TSGA10IP: variants seen among roughly 807,000 people sequenced by gnomAD.
TSGA10IP encodes testis-specific protein 10-interacting protein.
Under a neutral mutation model 63.2 loss-of-function variants are expected in TSGA10IP, and 64 were observed. The observed-to-expected ratio is 1.01, with a 90% CI of 0.83 to 1.25. The LOEUF (loss-of-function observed/expected upper bound fraction) is 1.25. Among genes scored for constraint, TSGA10IP ranks in the 50% most tolerant of loss-of-function variants. The pLI is 0.00. For missense variants in TSGA10IP, 681 were observed against 710.1 expected, an observed-to-expected ratio of 0.96 and a Z score of 0.47; for synonymous variants, 316 against 298.3, an observed-to-expected ratio of 1.06 and a Z score of -0.61.
At chr11:65,947,825 T>A (rs770223130) in exon 3 of TSGA10IP, 1 of 1,552,570 alleles carries the variant, frequency 6.4e-7, no homozygotes, top group Non-Finnish European at 8.7e-7. Flanking sequence ...AGACCTGGAC[T>A]GTGGTGAGCG....
exon 7 of TSGA10IP, chr11:65,959,284 T>C: frequency 6.2e-7 from 1 of 1,610,680 alleles, no homozygotes; most frequent in Non-Finnish European, 8.5e-7. Context: ...GCAGGAAAGG[T>C]GGACAGAGAG....
At chr11:65,959,044 G>T in intron 6 of TSGA10IP, 62 bp downstream of exon 6, 1 of 1,591,602 alleles carries the variant, frequency 6.3e-7, no homozygotes, top group Non-Finnish European at 8.6e-7. Context: ...TGAGTGGGTA[G>T]GGAAGCAGGA....
rs750743901 is a variant in TSGA10IP, at chr11:65,947,481, G to A, written c.656G>A (p.Ser219Asn). 44 of 1,613,380 alleles carry A rather than the reference G, an allele frequency of 2.7e-5. No individual in the cohort carries two copies. The highest frequency in any genetic ancestry group is 3.6e-5 in the Non-Finnish European group (42 of 1,179,606). ...TCCGACAAGCAGGTCCAGCTGCAAA[G>A]CCTGGGTGCTGAGGAGGCCGAGAGG... The change falls in exon 3 of 8, where the codon AGC becomes AAC. Residue 219 changes from serine (S) to asparagine (N), a missense_variant. Transcript: ENST00000532620.
chr11:65,945,676 A>G (rs1329033148), exon 1 of TSGA10IP: 1 of 1,612,832 alleles, frequency 6.2e-7, no homozygotes, highest in Non-Finnish European at 8.5e-7. Context: ...ATGGGGCAGG[A>G]TGGGGCAGGA....
At chr11:65,951,350 A>T (rs772925334) in intron 4 of TSGA10IP, among the ~76,000 whole-genome samples, 4 of 151,950 alleles carry the variant, frequency 2.6e-5, no homozygotes, top group Non-Finnish European at 5.9e-5. Flanking sequence ...TCTCCACATC[A>T]TCACCAACCC....
Position 65,948,006 on chromosome 11 carries a change from CAA to C in TSGA10IP, c.1012_1013del (p.Lys338AlafsTer26), listed in dbSNP as rs1403166953. ...CTTGGTCCCACTGTGGGCAGGCCCCCAAAAGCTGCCCTGGAAGACTTTGAGGG... is the reference window on the plus strand; with the variant it reads ...CTTGGTCCCACTGTGGGCAGGCCCCCAAGCTGCCCTGGAAGACTTTGAGGG... On this transcript the variant is annotated frameshift_variant, in exon 4 of 8. Coordinates refer to ENST00000532620, the Ensembl canonical transcript of TSGA10IP. LOFTEE classifies it high-confidence loss of function. The C allele has an allele frequency of 6.4e-7, 1 of 1,559,806 alleles. No homozygotes were observed. The highest frequency in any genetic ancestry group is 1.2e-5 in the South Asian group (1 of 84,576).
rs199848127 is a variant in TSGA10IP at position 65,948,117 on chromosome 11, C to T, written c.1120C>T (p.Arg374Cys). 6.0e-5 allele frequency: 96 copies of T among 1,602,130 alleles called. No individual in the cohort carries two copies. The Admixed American group carries it at 6.5e-4, about 11-fold the overall frequency. Reference sequence around the variant, plus strand: ...TTTCGTGTCTGCCAACCTCCCTAATCGCACCTTCCACAAACGACAGGAAGC... The same window carrying T: ...TTTCGTGTCTGCCAACCTCCCTAATTGCACCTTCCACAAACGACAGGAAGC... The change falls in exon 4 of 8, where the codon CGC becomes TGC. Residue 374 changes from arginine to cysteine, a missense_variant. Coordinates refer to ENST00000532620, the Ensembl canonical transcript of TSGA10IP.
At chr11:65,958,409 C>T (rs1183689152) in intron 5 of TSGA10IP, among the ~76,000 whole-genome samples, 2 of 152,156 alleles carry the variant, frequency 1.3e-5, no homozygotes, top group East Asian at 3.8e-4. Context: ...CTTGTCCGAT[C>T]CCTACTATAG....
At position 65,945,766 on chromosome 11, in the gene TSGA10IP, C is replaced by T. The variant is rs1490284695; in HGVS notation, c.91C>T (p.Pro31Ser). The stretch of plus-strand genomic sequence containing the variant: ...AGGGCAGGACGTGCGGCTCCAGGCT[C>T]CAGGAACCAGAACGGGGCTGCTCAA... The change falls in exon 1 of 8, where the codon CCA (proline) becomes TCA (serine). Residue 31 changes from proline to serine, a missense_variant. By Grantham distance (74) the Pro-to-Ser change is moderately conservative (BLOSUM62 -1). Coordinates refer to ENST00000532620, the Ensembl canonical transcript of TSGA10IP. 1.2e-6 allele frequency: 2 copies of T among 1,613,868 alleles called. No individual in the cohort carries two copies. The highest frequency in any genetic ancestry group is 1.3e-5 in the African/African-American group (1 of 74,914).
At chr11:65,954,972 T>C (rs138607701) in intron 5 of TSGA10IP, among the ~76,000 whole-genome samples, 135 of 152,346 alleles carry the variant, frequency 8.9e-4, no homozygotes, top group African/African-American at 2.4e-3. Flanking sequence ...GGTGGGCGCA[T>C]GCGCTCAGCA....
rs7927388 is a variant in TSGA10IP, at chr11:65,947,534, C to T, written c.709C>T (p.Arg237Cys). The T allele has an allele frequency of 6.2e-6, 10 of 1,613,466 alleles. No homozygotes were observed. In the East Asian group the frequency reaches 8.9e-5, roughly 14 times the overall value. Reference sequence around the variant, plus strand: ...TCTGAGTTCTGGGGTGCTGCCCCAGCGCCCCAGGAGGGGGTCGATCTCAGA... The same window carrying T: ...TCTGAGTTCTGGGGTGCTGCCCCAGTGCCCCAGGAGGGGGTCGATCTCAGA... Residue 237 changes from arginine (R) to cysteine (C), a missense_variant, in exon 3 of 8, where the codon CGC becomes TGC. Transcript: ENST00000532620.
intron 4 of TSGA10IP, 61 bp downstream of exon 4, chr11:65,948,209 C>T: frequency 6.6e-7 from 1 of 1,520,960 alleles, no homozygotes; most frequent in African/African-American, 1.4e-5. Context: ...AGCCACTTCT[C>T]CAAGAGATGC....
At chr11:65,945,860 G>A in intron 1 of TSGA10IP, 38 bp downstream of exon 1, 1 of 1,604,266 alleles carries the variant, frequency 6.2e-7, no homozygotes, top group Non-Finnish European at 8.5e-7. Context: ...CAGCTGCCTA[G>A]AGCCAGGTGG....
Position 65,946,934 on chromosome 11 carries a change from C to CA in TSGA10IP, c.203dup (p.Ser69GlufsTer23). The CA allele has an allele frequency of 6.2e-7, 1 of 1,613,920 alleles. No individual in the cohort carries two copies. Among genetic ancestry groups the CA allele is most frequent in the South Asian group, 1.1e-5 (1 of 91,084 alleles). On this transcript the variant is annotated frameshift_variant, in exon 2 of 8. Transcript: ENST00000532620. LOFTEE classifies it high-confidence loss of function. ...AAATCAAGACCTGCAGCAGAGGTCT[C>CA]AGAGCTCAAGGCAGACAGCAAAGAA... is the stretch of plus-strand genomic sequence containing the variant.
intron 7 of TSGA10IP, 76 bp downstream of exon 7, chr11:65,959,390 G>A (rs1590628121): frequency 6.4e-7 from 1 of 1,555,944 alleles, no homozygotes; most frequent in Non-Finnish European, 8.7e-7. Flanking sequence ...AGCACTCTGG[G>A]CTCTGGAGGG....
rs7927827 is a variant in TSGA10IP, at chr11:65,947,707, G to A, written c.882G>A (p.Gly294=). 4.1e-3 allele frequency: 6,531 copies of A among 1,598,050 alleles called. 230 individuals carry two copies. In the African/African-American group the frequency reaches 0.078, roughly 19 times the overall value. The stretch of plus-strand genomic sequence containing the variant: ...GAGAAGTGCAGGGCCAGAGCCAGGG[G>A]AGCAGCCCCAGCTTCAACAACCTCC... Residue 294 remains glycine (G), a synonymous_variant, in exon 3 of 8, where the codon GGG becomes GGA. Transcript: ENST00000532620.
At chr11:65,945,868 T>C in intron 1 of TSGA10IP, 46 bp downstream of exon 1, 1 of 1,599,500 alleles carries the variant, frequency 6.3e-7, no homozygotes, top group Non-Finnish European at 8.5e-7. Context: ...TAGAGCCAGG[T>C]GGGTCAGGGA....
At chr11:65,959,299 C>A in exon 7 of TSGA10IP, 1 of 1,611,356 alleles carries the variant, frequency 6.2e-7, no homozygotes, top group Non-Finnish European at 8.5e-7. Context: ...AGAGAGGGCA[C>A]CCCCAGGAAA....
chr11:65,947,898 G>T, intron 3 of TSGA10IP, 70 bp downstream of exon 3: 1 of 1,506,974 alleles, frequency 6.6e-7, no homozygotes, highest in South Asian at 1.3e-5. Context: ...AGTCAGGGAG[G>T]CAGGGGCTCA....
Sources: allele counts gnomAD v4.1 joint callset (sites outside exome capture counted in the v4.1 genomes callset), GRCh38; gene constraint gnomAD v4.1.1; transcripts MANE v1.5; gene names NCBI Gene and HGNC (gene_info 2026-07-23, HGNC 2026-07-21).